Variants in GANC observed in about 807,000 individuals in gnomAD.
GANC encodes glucosidase alpha, neutral C, also known as neutral alpha-glucosidase C.
GANC carries 117 observed loss-of-function variants against 124.2 expected under a neutral mutation model. The ratio of observed to expected loss-of-function variants is 0.94; its 90% CI spans 0.81 to 1.10. The LOEUF (loss-of-function observed/expected upper bound fraction) is 1.10. GANC is among the 50% of genes least tolerant of loss of function. The probability of loss-of-function intolerance (pLI) is 0.00; values close to 1 mark genes in which losing one functional copy is unlikely to be tolerated. For synonymous variants in GANC, 377 were observed against 376.8 expected, an observed-to-expected ratio of 1.00 and a Z score of -0.01; for missense variants, 1,140 against 1,095.0, an observed-to-expected ratio of 1.04 and a Z score of -0.58.
chr15:42,273,496 C>T lies in GANC; in HGVS notation c.-986C>T, dbSNP rs2051607839. 7 of 1,544,968 alleles carry T rather than the reference C, an allele frequency of 4.5e-6. No individual in the cohort carries two copies. The South Asian group carries it at 8.4e-5, about 18-fold the overall frequency. On this transcript the variant is annotated 5_prime_UTR_variant, in exon 1 of 24. Coordinates refer to ENST00000318010, the MANE Select transcript of GANC (RefSeq NM_198141.3). ...CTCTAAGGGCGGGATTATCCGGGTC[C>T]TGGAAACGTCGCGGAGCTTGTTTGC...
intron 6 of GANC, among the ~76,000 whole-genome samples, chr15:42,301,757 G>A (rs1352914628): frequency 3.9e-5 from 6 of 152,178 alleles, no homozygotes; most frequent in Non-Finnish European, 4.4e-5. Flanking sequence ...GCTGGGTGGA[G>A]CCCACCACAG....
chr15:42,351,293 T>TC (rs1250460852), intron 22 of GANC, 36 bp from the exon 23 acceptor site: 1 of 1,506,714 alleles, frequency 6.6e-7, no homozygotes, highest in South Asian at 1.1e-5. Context: ...CAAACCCCCA[T>TC]CCCTCTCCTT....
rs201360250 is a variant in GANC at position 42,277,611 on chromosome 15, AT to A, written c.93-864del. Among the ~76,000 whole-genome samples the A allele has an allele frequency of 8.6e-3, 1,303 of 151,450 alleles. 15 individuals carry two copies. The highest frequency in any genetic ancestry group is 0.03 in the African/African-American group (1,244 of 41,298). On this transcript the variant is annotated intron_variant, in intron 2 of 23. Transcript: ENST00000318010. The stretch of plus-strand genomic sequence containing the variant: ...TCTTCATTTTATTTTATTTTTATGC[AT>A]TTTTTTGAGACGGAGTCTCCCTCTG...
intron 10 of GANC, among the ~76,000 whole-genome samples, chr15:42,311,294 A>C (rs916525584): frequency 2.6e-5 from 4 of 152,250 alleles, no homozygotes; most frequent in Admixed American, 1.3e-4. Context: ...TGGAATTTCT[A>C]GCCAGAGAAA....
Position 42,276,340 on chromosome 15 carries a change from T to G in GANC, c.30-8T>G. 1 of 1,318,604 alleles carries G rather than the reference T, an allele frequency of 7.6e-7. No individual in the cohort carries two copies. The highest frequency in any genetic ancestry group is 1.1e-6 in the Non-Finnish European group (1 of 916,206). The allele number at this position is 1,318,604 out of a possible 1,614,324, so 81.7% of individuals were successfully genotyped here. A position where few individuals can be genotyped will look rare whatever the true frequency, so the allele number is the denominator to read the frequency against. ...GAAATAAATTTCTCAAAATGTCTTT[T>G]TATTTAGTCTTGAAGATGAAGCTGT... On this transcript the variant is annotated splice_polypyrimidine_tract_variant and splice_region_variant and intron_variant, in intron 1 of 23. Coordinates refer to ENST00000318010, the MANE Select transcript of GANC (RefSeq NM_198141.3).
chr15:42,281,552 A>G (rs2051734335), intron 3 of GANC, among the ~76,000 whole-genome samples: 1 of 151,938 alleles, frequency 6.6e-6, no homozygotes, highest in Non-Finnish European at 1.5e-5. Flanking sequence ...AGGCAGGGTG[A>G]TGCATGCCTG....
chr15:42,298,307 G>A (rs2051910911), intron 6 of GANC, among the ~76,000 whole-genome samples: 1 of 152,194 alleles, frequency 6.6e-6, no homozygotes, highest in Middle Eastern at 3.2e-3. Context: ...AGGGTGGTAT[G>A]TAACGAGGCT....
intron 3 of GANC, among the ~76,000 whole-genome samples, chr15:42,285,221 C>T (rs1487776979): frequency 6.6e-6 from 1 of 152,122 alleles, no homozygotes; most frequent in Non-Finnish European, 1.5e-5. Context: ...GCAGTTAAGC[C>T]TCAGGGAAGT....
chr15:42,350,345 A>G (rs763798738), intron 22 of GANC, among the ~76,000 whole-genome samples: 3 of 151,024 alleles, frequency 2.0e-5, no homozygotes, highest in Non-Finnish European at 2.9e-5. Flanking sequence ...ACTTTCTAAA[A>G]AATGAAAAAG....
intron 3 of GANC, among the ~76,000 whole-genome samples, chr15:42,280,496 C>G (rs1388118759): frequency 6.6e-6 from 1 of 152,194 alleles, no homozygotes; most frequent in African/African-American, 2.4e-5. Flanking sequence ...CCCTTCTATT[C>G]AGGGTCAGCA....
In GANC at chr15:42,273,585, G is replaced by A; in HGVS notation, c.-897G>A. 1 of 1,002,356 alleles carries A rather than the reference G, an allele frequency of 1.0e-6. No individual in the cohort carries two copies. The highest frequency in any genetic ancestry group is 1.4e-6 in the Non-Finnish European group (1 of 702,662). The allele number at this position is 1,002,356 out of a possible 1,614,324, so 62.1% of individuals were successfully genotyped here. A position where few individuals can be genotyped will look rare whatever the true frequency, so the allele number is the denominator to read the frequency against. On this transcript the variant is annotated 5_prime_UTR_variant, in exon 1 of 24. Transcript: ENST00000318010. ...TGCGCCGTGAGACTTTGGACCTACTGCGCAGGCGTCATCCTGTTGGAACCT... is the reference window on the plus strand; with the variant it reads ...TGCGCCGTGAGACTTTGGACCTACTACGCAGGCGTCATCCTGTTGGAACCT...
rs764488546 is a variant in GANC at position 42,308,242 on chromosome 15, G to A, written c.646G>A (p.Asp216Asn). Reference sequence around the variant, plus strand: ...TACAGGCCCTTCTTCTATTGGTTTGGATTTCTCCTTGCATGGATTTGAGCA... The same window carrying A: ...TACAGGCCCTTCTTCTATTGGTTTGAATTTCTCCTTGCATGGATTTGAGCA... Reference protein sequence around the residue: ...KANGPSSIGLDFSLHGFEHLY... With the variant: ...KANGPSSIGLNFSLHGFEHLY... Residue 216 changes from aspartate to asparagine, a missense_variant, in exon 8 of 24, where the codon GAT (aspartate) becomes AAT (asparagine). By Grantham distance (23) the Asp-to-Asn change is conservative (BLOSUM62 1). Transcript: ENST00000318010. 1 of 1,606,186 alleles carries A rather than the reference G, an allele frequency of 6.2e-7. No homozygotes were observed.
At position 42,278,596 on chromosome 15, in the gene GANC, A is replaced by G. The variant is rs767225535; in HGVS notation, c.201+6A>G. ...TCATCAATGAAGCAAGTAAGGTGAG[A>G]TGGAAGTATTTTCTACAGAGAATAA... On this transcript the variant is annotated splice_donor_region_variant and intron_variant, in intron 3 of 23. Transcript: ENST00000318010. 2.5e-6 allele frequency: 4 copies of G among 1,581,984 alleles called. No homozygotes were observed. In the East Asian group the frequency reaches 9.0e-5, roughly 35 times the overall value.
chr15:42,303,490 A>G (rs1178264013), intron 6 of GANC, among the ~76,000 whole-genome samples: 2 of 152,188 alleles, frequency 1.3e-5, no homozygotes, highest in South Asian at 2.1e-4. Context: ...GACAGGATCA[A>G]ATTCACACAT....
chr15:42,298,497 C>T (rs1285267858), intron 6 of GANC, among the ~76,000 whole-genome samples: 1 of 152,186 alleles, frequency 6.6e-6, no homozygotes, highest in South Asian at 2.1e-4. Context: ...GTTAACCTTT[C>T]TGAGTTTCTC....
Position 42,292,816 on chromosome 15 carries a change from C to A in GANC, c.411C>A (p.Asn137Lys), listed in dbSNP as rs1161188777. Residue 137 changes from asparagine (N) to lysine (K), a missense_variant, in exon 5 of 24, where the codon AAC becomes AAA. Asn to Lys is a moderately conservative substitution (Grantham distance 94). Transcript: ENST00000318010. ...KGDLKCHITANPFKVDLVSEE... is the reference protein window; with the variant it reads ...KGDLKCHITAKPFKVDLVSEE... ...ACCTGAAGTGCCATATCACAGCAAA[C>A]CCATTCAAGGTAGACTTGGTGTCTG... The A allele has an allele frequency of 1.2e-6, 2 of 1,613,990 alleles. No homozygotes were observed. Among genetic ancestry groups the A allele is most frequent in the African/African-American group, 1.3e-5 (1 of 74,912 alleles).
intron 12 of GANC, among the ~76,000 whole-genome samples, chr15:42,326,953 C>T (rs532048161): frequency 6.6e-4 from 100 of 152,196 alleles, no homozygotes; most frequent in Non-Finnish European, 1.1e-3. Flanking sequence ...AAAGAGTCAG[C>T]ACTATCTATC....
intron 19 of GANC, chr15:42,343,438 T>A: frequency 2.7e-6 from 1 of 367,728 alleles, no homozygotes. Context: ...ACACCGAGGC[T>A]TGGGGTAGGA....
chr15:42,297,780 T>C, intron 6 of GANC, 124 bp downstream of exon 6: 1 of 557,204 alleles, frequency 1.8e-6, no homozygotes, highest in Non-Finnish European at 3.1e-6. Flanking sequence ...TGCATATAAA[T>C]AGGACCACTT....
Sources: gnomAD v4.1 joint callset for allele counts (sites outside exome capture counted in the v4.1 genomes callset) on GRCh38, gnomAD v4.1.1 for gene constraint, MANE v1.5 for transcripts, NCBI Gene and HGNC (gene_info 2026-07-23, HGNC 2026-07-21) for gene names.